The following SPAG16 variants were observed in gnomAD, a reference collection of about 807,000 sequenced individuals.
The protein encoded by SPAG16 is sperm associated antigen 16.
SPAG16 carries 86 observed loss-of-function variants against 80.4 expected under a neutral mutation model. The ratio of observed to expected loss-of-function variants is 1.07; its 90% CI spans 0.90 to 1.28. The LOEUF (loss-of-function observed/expected upper bound fraction) is 1.28, where lower values mean the gene tolerates loss of function less well. SPAG16 is among the 50% of genes most tolerant of loss of function. The pLI, the probability that SPAG16 is intolerant of heterozygous loss-of-function variation, is 0.00. For synonymous variants in SPAG16, 294 were observed against 265.9 expected, an observed-to-expected ratio of 1.11 and a Z score of -1.03; for missense variants, 870 against 765.3, an observed-to-expected ratio of 1.14 and a Z score of -1.61.
chr2:213,639,113 C>T (rs2062487654), intron 10 of SPAG16, among the ~76,000 whole-genome samples: 1 of 152,126 alleles, frequency 6.6e-6, no homozygotes, highest in Non-Finnish European at 1.5e-5. Flanking sequence ...CATCTTTTCA[C>T]CTTAAGTTTA....
chr2:213,290,320 A>T (rs1187223593), intron 1 of SPAG16, among the ~76,000 whole-genome samples: 1 of 152,194 alleles, frequency 6.6e-6, no homozygotes, highest in Non-Finnish European at 1.5e-5. Context: ...CTAGGTTATG[A>T]CTAGAAATAC....
At chr2:214,177,006 A>C (rs781332926) in intron 15 of SPAG16, among the ~76,000 whole-genome samples, 55 of 150,892 alleles carry the variant, frequency 3.6e-4, no homozygotes, top group Non-Finnish European at 6.2e-4. Context: ...TTGGGGAAAA[A>C]CCCTCACTTC....
At chr2:214,407,245 T>C (rs10932535) in intron 15 of SPAG16, among the ~76,000 whole-genome samples, 37,386 of 151,990 alleles carry the variant, frequency 0.25, 6,915 homozygotes, top group African/African-American at 0.52. Context: ...TAAATTGTTA[T>C]AATTATTCTT....
intron 5 of SPAG16, among the ~76,000 whole-genome samples, chr2:213,319,286 T>C (rs2063523234): frequency 6.6e-6 from 1 of 151,946 alleles, no homozygotes; most frequent in Admixed American, 6.6e-5. Context: ...ACATGCCTTT[T>C]CATTGAGAAG....
At chr2:213,564,948 T>C (rs1255220097) in intron 10 of SPAG16, among the ~76,000 whole-genome samples, 2 of 152,198 alleles carry the variant, frequency 1.3e-5, no homozygotes, top group Non-Finnish European at 2.9e-5. Flanking sequence ...ATTGAAAATA[T>C]TATAATCACA....
At chr2:213,958,989 C>A (rs72950769) in intron 12 of SPAG16, among the ~76,000 whole-genome samples, 22,027 of 152,112 alleles carry the variant, frequency 0.14, 1,986 homozygotes, top group Non-Finnish European at 0.2. Context: ...GAATGTCATA[C>A]TTTTTCCTCA....
At chr2:213,988,346 TG>T (rs139231043) in intron 12 of SPAG16, among the ~76,000 whole-genome samples, 4,264 of 152,172 alleles carry the variant, frequency 0.028, 114 homozygotes, top group Non-Finnish European at 0.037. Context: ...GACTGTATCT[TG>T]GGCCATAAAA....
intron 9 of SPAG16, among the ~76,000 whole-genome samples, chr2:213,420,382 C>G (rs538636388): frequency 6.6e-6 from 1 of 152,292 alleles, no homozygotes; most frequent in South Asian, 2.1e-4. Context: ...CTGATAGTAC[C>G]TGTTTTTGAG....
chr2:213,604,973 T>C (rs1212497043), intron 10 of SPAG16, among the ~76,000 whole-genome samples: 2 of 149,840 alleles, frequency 1.3e-5, no homozygotes, highest in African/African-American at 2.4e-5. Context: ...CTTTATGTTT[T>C]GTATAAATAA....
intron 14 of SPAG16, among the ~76,000 whole-genome samples, chr2:214,127,758 C>T (rs574590913): frequency 7.9e-5 from 12 of 151,988 alleles, no homozygotes; most frequent in African/African-American, 1.4e-4. Context: ...CACCCTCACC[C>T]GGCACTAGGC....
intron 15 of SPAG16, among the ~76,000 whole-genome samples, chr2:214,151,427 A>C (rs184558271): frequency 5.3e-5 from 8 of 152,098 alleles, no homozygotes; most frequent in African/African-American, 1.9e-4. Flanking sequence ...TTCTAGTTGC[A>C]TTTATTCAGG....
intron 10 of SPAG16, among the ~76,000 whole-genome samples, chr2:213,778,786 G>A (rs2069761030): frequency 1.3e-5 from 2 of 152,114 alleles, no homozygotes; most frequent in South Asian, 2.1e-4. Flanking sequence ...TGTTTACCAA[G>A]CAAACTTCTC....
chr2:213,847,084 T>C (rs12620357), intron 10 of SPAG16, among the ~76,000 whole-genome samples: 93,489 of 152,008 alleles, frequency 0.62, 30,086 homozygotes, highest in East Asian at 0.85. Flanking sequence ...ATCTTCAAAA[T>C]AGGCTAGGCA....
chr2:214,083,934 A>G (rs1244625713), intron 13 of SPAG16, among the ~76,000 whole-genome samples: 1 of 152,094 alleles, frequency 6.6e-6, no homozygotes, highest in East Asian at 1.9e-4. Context: ...TATGCTTACT[A>G]TTGATGTCCT....
intron 10 of SPAG16, among the ~76,000 whole-genome samples, chr2:213,721,427 G>C (rs1574939073): frequency 6.6e-6 from 1 of 152,238 alleles, no homozygotes; most frequent in East Asian, 1.9e-4. Context: ...AGTATATCTT[G>C]CTAATCAACC....
At chr2:214,035,966 C>T (rs1225123620) in intron 13 of SPAG16, among the ~76,000 whole-genome samples, 1 of 152,230 alleles carries the variant, frequency 6.6e-6, no homozygotes, top group Non-Finnish European at 1.5e-5. Context: ...GTAGATTAAC[C>T]ACCACTGCCA....
intron 13 of SPAG16, among the ~76,000 whole-genome samples, chr2:214,052,954 A>AGAAATGAAT: frequency 6.6e-6 from 1 of 152,224 alleles, no homozygotes; most frequent in Non-Finnish European, 1.5e-5. Flanking sequence ...TAGAAATGAC[A>AGAAATGAAT]GAGTTTTTTC....
At chr2:213,383,591 G>C (rs955750768) in intron 9 of SPAG16, among the ~76,000 whole-genome samples, 1 of 152,090 alleles carries the variant, frequency 6.6e-6, no homozygotes, top group African/African-American at 2.4e-5. Context: ...GGCAGCAGTG[G>C]GTTCCTATTA....
chr2:214,154,556 A>G (rs1425613465), intron 15 of SPAG16, among the ~76,000 whole-genome samples: 1 of 135,960 alleles, frequency 7.4e-6, no homozygotes, highest in East Asian at 2.5e-4. Context: ...CTTGGTTCAT[A>G]TTTGATTCAT....
Sources: allele counts gnomAD v4.1 joint callset (sites outside exome capture counted in the v4.1 genomes callset), GRCh38; gene constraint gnomAD v4.1.1; transcripts MANE v1.5; gene names NCBI Gene and HGNC (gene_info 2026-07-23, HGNC 2026-07-21).